Variants in ARID1B observed in about 807,000 individuals in gnomAD.
ARID1B encodes AT-rich interaction domain 1B.
Under a neutral mutation model 212.3 loss-of-function variants are expected in ARID1B, and 30 were observed. That is an observed-to-expected ratio of 0.14 (90% CI 0.11 to 0.19). ARID1B has a LOEUF of 0.19. Among genes scored for constraint, ARID1B ranks in the 10% least tolerant of loss-of-function variants. The pLI is 1.00. For synonymous variants in ARID1B, 1,402 were observed against 1,301.7 expected, an observed-to-expected ratio of 1.08 and a Z score of -1.66; for missense variants, 2,891 against 3,204.0, an observed-to-expected ratio of 0.90 and a Z score of 2.36.
intron 6 of ARID1B, among the ~76,000 whole-genome samples, chr6:157,111,791 T>A (rs923169061): frequency 6.6e-6 from 1 of 152,202 alleles, no homozygotes; most frequent in African/African-American, 2.4e-5. Flanking sequence ...TATTATAATT[T>A]AAGGTATAGT....
chr6:156,792,135 G>C lies in ARID1B; in HGVS notation c.1791+12664G>C, dbSNP rs556586380. 2.6e-5 allele frequency among the ~76,000 whole-genome samples: 4 copies of C among 152,256 alleles called. No individual in the cohort carries two copies. In the South Asian group the frequency reaches 8.3e-4, roughly 32 times the overall value. ...GTAATAGCTGAGTATTTTTATTATA[G>C]CACTGTTATTTATGGCTCTTCTAAG... On this transcript the variant is annotated intron_variant, in intron 1 of 19. Coordinates refer to ENST00000636930, the MANE Select transcript of ARID1B (RefSeq NM_001374828.1).
chr6:156,881,885 A>C (rs891632774), intron 2 of ARID1B, among the ~76,000 whole-genome samples: 2 of 152,218 alleles, frequency 1.3e-5, no homozygotes, highest in African/African-American at 4.8e-5. Context: ...GGAAGCCCTA[A>C]TGCTTAAGTA....
chr6:156,786,832 C>T (rs897399686), intron 1 of ARID1B, among the ~76,000 whole-genome samples: 4 of 152,124 alleles, frequency 2.6e-5, no homozygotes, highest in Non-Finnish European at 5.9e-5. Context: ...ATACTGCTAA[C>T]GCTTGCTCCC....
intron 1 of ARID1B, among the ~76,000 whole-genome samples, chr6:156,797,551 G>T (rs1780474001): frequency 6.6e-6 from 1 of 152,184 alleles, no homozygotes; most frequent in African/African-American, 2.4e-5. Flanking sequence ...CTGGACAGAA[G>T]AACCTTGCAA....
chr6:156,928,397 G>A (rs578071928), intron 3 of ARID1B, among the ~76,000 whole-genome samples: 3 of 152,192 alleles, frequency 2.0e-5, no homozygotes, highest in Non-Finnish European at 4.4e-5. Context: ...GTTGTGTGGG[G>A]TGGCTCTGAG....
chr6:156,848,170 T>C (rs1784348574), intron 2 of ARID1B, among the ~76,000 whole-genome samples: 2 of 152,154 alleles, frequency 1.3e-5, no homozygotes, highest in South Asian at 4.2e-4. Context: ...ACCCAGAAAA[T>C]GAAGTTAGTC....
At chr6:157,023,885 A>T (rs1253898573) in intron 4 of ARID1B, 2 of 152,196 alleles carry the variant, frequency 1.3e-5, no homozygotes, top group African/African-American at 4.8e-5. Context: ...TTCAAGTGAG[A>T]TGTCAAGCAA....
At chr6:157,042,032 C>CTCGA (rs1192515650) in intron 4 of ARID1B, among the ~76,000 whole-genome samples, 1 of 152,170 alleles carries the variant, frequency 6.6e-6, no homozygotes, top group East Asian at 1.9e-4. Context: ...CAGGTCTGGC[C>CTCGA]TCGATTTCTC....
At chr6:156,933,705 G>A (rs779134709) in intron 3 of ARID1B, among the ~76,000 whole-genome samples, 2 of 152,174 alleles carry the variant, frequency 1.3e-5, no homozygotes, top group Non-Finnish European at 2.9e-5. Context: ...AGAAAAATAT[G>A]ATATGAACTG....
chr6:156,874,661 C>T (rs1786405138), intron 2 of ARID1B, among the ~76,000 whole-genome samples: 1 of 152,192 alleles, frequency 6.6e-6, no homozygotes, highest in South Asian at 2.1e-4. Context: ...CTTCATTCCT[C>T]TTACACAAAC....
intron 2 of ARID1B, among the ~76,000 whole-genome samples, chr6:156,881,420 A>G (rs569006009): frequency 6.5e-4 from 99 of 152,300 alleles, no homozygotes; most frequent in Non-Finnish European, 8.2e-4. Context: ...TCCTGCTTAT[A>G]CTGTTTTAAA....
chr6:156,813,022 A>G (rs557299298), intron 1 of ARID1B, among the ~76,000 whole-genome samples: 29 of 141,952 alleles, frequency 2.0e-4, no homozygotes, highest in Non-Finnish European at 4.2e-4. Context: ...ACACATACGT[A>G]TGTATATACA....
chr6:157,130,851 A>G (rs928463513), intron 6 of ARID1B, among the ~76,000 whole-genome samples: 1 of 152,166 alleles, frequency 6.6e-6, no homozygotes, highest in Non-Finnish European at 1.5e-5. Flanking sequence ...TAGAGCCTTC[A>G]CCTGGTAACG....
chr6:157,092,843 C>T (rs1278066873), intron 5 of ARID1B, among the ~76,000 whole-genome samples: 1 of 152,196 alleles, frequency 6.6e-6, no homozygotes, highest in Non-Finnish European at 1.5e-5. Context: ...GCTCTGCAAT[C>T]TCAGCAGTGA....
rs1442003449 is a variant in ARID1B, at chr6:157,186,229, T to A, written c.3919+1794T>A. ...GATCCTTCAGAAAGTGGAGGGCCTG[T>A]TCTCTTAACAGCCAGCCGTTCCCTT... On this transcript the variant is annotated intron_variant, in intron 13 of 19. Coordinates refer to ENST00000636930, the MANE Select transcript of ARID1B (RefSeq NM_001374828.1). 21 of 337,610 alleles carry A rather than the reference T, an allele frequency of 6.2e-5. No individual in the cohort carries two copies. In the Admixed American group the frequency reaches 8.0e-4, roughly 13 times the overall value. 20.9% of individuals were successfully genotyped at this position (337,610 alleles called of 1,614,324 possible). A position where few individuals can be genotyped will look rare whatever the true frequency, so the allele number is the denominator to read the frequency against.
rs2114978190 is a variant in ARID1B, at chr6:156,778,548, G to A, written c.868G>A (p.Ala290Thr). The change falls in exon 1 of 20, where the codon GCC becomes ACC. Residue 290 changes from alanine to threonine, a missense_variant. Physicochemically the swap from Ala to Thr is moderately conservative, Grantham distance 58 (BLOSUM62 0). Transcript: ENST00000636930. ...CCGCTACGAGCACCCGGGCTTGGGCGCCCTGGGCACGCAGCAGCCGCCGGT... is the reference window on the plus strand; with the variant it reads ...CCGCTACGAGCACCCGGGCTTGGGCACCCTGGGCACGCAGCAGCCGCCGGT... Reference protein sequence around the residue: ...GGRYEHPGLGALGTQQPPVAV... With the variant: ...GGRYEHPGLGTLGTQQPPVAV... 8.1e-7 allele frequency: 1 copy of A among 1,231,046 alleles called. No homozygotes were observed. Among genetic ancestry groups the A allele is most frequent in the Non-Finnish European group, 1.0e-6 (1 of 990,228 alleles). The allele number at this position is 1,231,046 out of a possible 1,614,324, so 76.3% of individuals were successfully genotyped here. A position where few individuals can be genotyped will look rare whatever the true frequency, so the allele number is the denominator to read the frequency against.
chr6:157,051,741 TTGAG>T (rs1202406027), intron 4 of ARID1B, among the ~76,000 whole-genome samples: 1 of 152,236 alleles, frequency 6.6e-6, no homozygotes, highest in African/African-American at 2.4e-5. Context: ...CAGATGATTC[TTGAG>T]TAACAGGATC....
At chr6:157,177,418 A>G (rs945465527) in intron 11 of ARID1B, among the ~76,000 whole-genome samples, 2 of 152,254 alleles carry the variant, frequency 1.3e-5, no homozygotes, top group African/African-American at 4.8e-5. Context: ...TGCCGCTTCA[A>G]TTTGGGCTTA....
At chr6:157,055,438 C>T (rs1782892709) in intron 4 of ARID1B, among the ~76,000 whole-genome samples, 1 of 152,160 alleles carries the variant, frequency 6.6e-6, no homozygotes, top group Non-Finnish European at 1.5e-5. Flanking sequence ...AAAAAGAAAA[C>T]ACCCAAATAT....
Sources: allele counts gnomAD v4.1 joint callset (sites outside exome capture counted in the v4.1 genomes callset), GRCh38; gene constraint gnomAD v4.1.1; transcripts MANE v1.5; gene names NCBI Gene and HGNC (gene_info 2026-07-23, HGNC 2026-07-21).